CACNA2D3: variants seen among roughly 807,000 people sequenced by gnomAD.
The protein encoded by CACNA2D3 is calcium voltage-gated channel auxiliary subunit alpha2delta 3, also known as voltage-dependent calcium channel subunit alpha-2/delta-3.
In CACNA2D3, 60 loss-of-function variants were observed where a neutral mutation model predicts 160.6. The ratio of observed to expected loss-of-function variants is 0.37; its 90% CI spans 0.30 to 0.46. The LOEUF (loss-of-function observed/expected upper bound fraction) is 0.46. Ranked by LOEUF, CACNA2D3 falls within the 20% of genes least tolerant of loss-of-function variation. The pLI is 1.00. For synonymous variants in CACNA2D3, 558 were observed against 492.9 expected (o/e 1.13, Z -1.75); for missense variants, 1,205 against 1,365.0 (o/e 0.88, Z 1.85).
intron 9 of CACNA2D3, among the ~76,000 whole-genome samples, chr3:54,595,751 T>C (rs956226759): frequency 6.6e-6 from 1 of 152,006 alleles, no homozygotes; most frequent in Non-Finnish European, 1.5e-5. Context: ...AGAAATAATA[T>C]CAATAATAAA....
chr3:54,712,920 A>G (rs780063585), intron 11 of CACNA2D3, among the ~76,000 whole-genome samples: 14 of 152,170 alleles, frequency 9.2e-5, no homozygotes, highest in Admixed American at 2.6e-4. Flanking sequence ...TCTTAATTCC[A>G]TCTGCAACCT....
intron 5 of CACNA2D3, among the ~76,000 whole-genome samples, chr3:54,560,900 ATTTCT>A (rs1702313888): frequency 6.6e-6 from 1 of 151,922 alleles, no homozygotes. Context: ...ATGCAGTCTT[ATTTCT>A]TTCCTCTCTA....
chr3:55,031,161 A>G (rs1223407300), intron 35 of CACNA2D3, among the ~76,000 whole-genome samples: 2 of 152,146 alleles, frequency 1.3e-5, no homozygotes, highest in Non-Finnish European at 2.9e-5. Flanking sequence ...CTGTGTCCAC[A>G]CTATTGACGT....
In CACNA2D3 at chr3:54,952,713, A is replaced by G. The variant is rs544321712; in HGVS notation, c.2450-15737A>G. ...TTCTGGTGCCCGCATAGTTCCCTCC[A>G]GCTTCCAGATGGGAAAGCTCTCTCA... On this transcript the variant is annotated intron_variant, in intron 27 of 37. Transcript: ENST00000474759. Among the ~76,000 whole-genome samples the G allele has an allele frequency of 9.2e-4, 140 of 152,300 alleles. 1 individual carries two copies. The highest frequency in any genetic ancestry group is 1.5e-3 in the Non-Finnish European group (103 of 68,032).
At chr3:54,215,640 C>A (rs1264613048) in intron 2 of CACNA2D3, among the ~76,000 whole-genome samples, 1 of 152,156 alleles carries the variant, frequency 6.6e-6, no homozygotes, top group Non-Finnish European at 1.5e-5. Context: ...GGAGGTGGGG[C>A]CATGCATCCT....
At chr3:54,768,968 T>G (rs1037213578) in intron 13 of CACNA2D3, among the ~76,000 whole-genome samples, 1 of 151,938 alleles carries the variant, frequency 6.6e-6, no homozygotes. Flanking sequence ...CACTGGGGAG[T>G]CTGTCTTCCT....
chr3:54,719,408 A>G (rs894721015), intron 11 of CACNA2D3, among the ~76,000 whole-genome samples: 2 of 151,942 alleles, frequency 1.3e-5, no homozygotes, highest in Admixed American at 1.3e-4. Context: ...TTGTGCACCT[A>G]TTAAAATTAT....
At chr3:54,700,748 G>C (rs954470034) in intron 11 of CACNA2D3, among the ~76,000 whole-genome samples, 1 of 152,150 alleles carries the variant, frequency 6.6e-6, no homozygotes, top group Non-Finnish European at 1.5e-5. Context: ...TATGCATTGG[G>C]CTCTATGCAA....
intron 11 of CACNA2D3, among the ~76,000 whole-genome samples, chr3:54,747,953 A>G (rs1269596314): frequency 6.6e-6 from 1 of 152,252 alleles, no homozygotes; most frequent in African/African-American, 2.4e-5. Context: ...AACATTCTCT[A>G]TGAATTTGCC....
chr3:54,531,404 A>G (rs192362955), intron 5 of CACNA2D3, among the ~76,000 whole-genome samples: 1 of 152,210 alleles, frequency 6.6e-6, no homozygotes, highest in East Asian at 1.9e-4. Context: ...AATTGAAAAA[A>G]CCCACTTAAT....
chr3:54,672,541 A>C (rs1366061527), intron 11 of CACNA2D3, among the ~76,000 whole-genome samples: 2 of 152,348 alleles, frequency 1.3e-5, no homozygotes, highest in South Asian at 2.1e-4. Context: ...TTCCAGAATG[A>C]AAACTAAAGA....
intron 18 of CACNA2D3, chr3:54,877,095 T>C (rs1699678289): frequency 6.6e-6 from 1 of 151,820 alleles, no homozygotes; most frequent in African/African-American, 2.4e-5. Context: ...ATGTGGGGAG[T>C]TGGAGGAGAG....
chr3:54,895,762 G>A (rs1559620782), intron 25 of CACNA2D3, among the ~76,000 whole-genome samples: 2 of 152,256 alleles, frequency 1.3e-5, no homozygotes, highest in African/African-American at 2.4e-5. Context: ...TCCCCCCACC[G>A]CCTGAGTTGC....
chr3:54,308,981 T>G (rs545551801), intron 2 of CACNA2D3, among the ~76,000 whole-genome samples: 23 of 152,358 alleles, frequency 1.5e-4, no homozygotes, highest in African/African-American at 5.5e-4. Flanking sequence ...TAGTTAAATT[T>G]GTTGGTGTGC....
chr3:54,272,167 G>A (rs1324640857), intron 2 of CACNA2D3, among the ~76,000 whole-genome samples: 1 of 152,134 alleles, frequency 6.6e-6, no homozygotes, highest in Non-Finnish European at 1.5e-5. Context: ...CAAGGAAGCT[G>A]GTGTGTCGGG....
At chr3:55,051,762 G>C (rs1015670332) in intron 35 of CACNA2D3, among the ~76,000 whole-genome samples, 2 of 152,122 alleles carry the variant, frequency 1.3e-5, no homozygotes, top group African/African-American at 4.8e-5. Flanking sequence ...GCGAGACTCC[G>C]TGGGCGTAGG....
chr3:54,460,367 G>A (rs940312749), intron 4 of CACNA2D3, among the ~76,000 whole-genome samples: 3 of 152,166 alleles, frequency 2.0e-5, no homozygotes, highest in Non-Finnish European at 2.9e-5. Flanking sequence ...ACCTTGGGCA[G>A]TATGGCCATT....
Position 54,278,027 on chromosome 3 carries a change from A to G in CACNA2D3, c.205-42415A>G, listed in dbSNP as rs117574366. On this transcript the variant is annotated intron_variant, in intron 2 of 37. Coordinates refer to ENST00000474759, the MANE Select transcript of CACNA2D3 (RefSeq NM_018398.3). ...TAAACTAAAGAAGCTTTTGCACAGC[A>G]AAAGAAACTGTCATTAGAGTGAAAA... is the stretch of plus-strand genomic sequence containing the variant. Among the ~76,000 whole-genome samples, 349 of 152,354 alleles carry G rather than the reference A, an allele frequency of 2.3e-3. 2 individuals carry two copies. Among genetic ancestry groups the G allele is most frequent in the East Asian group, 0.019 (98 of 5,188 alleles).
chr3:54,413,408 C>CTATATATATAGATATCTATATATATA (rs1559474750), intron 4 of CACNA2D3, among the ~76,000 whole-genome samples: 3 of 145,236 alleles, frequency 2.1e-5, no homozygotes, highest in Non-Finnish European at 4.5e-5. Context: ...CTATATATAT[C>CTATATATATAGATATCTATATATATA]TATATATATA....
Sources: allele counts gnomAD v4.1 joint callset (sites outside exome capture counted in the v4.1 genomes callset), GRCh38; gene constraint gnomAD v4.1.1; transcripts MANE v1.5; gene names NCBI Gene and HGNC (gene_info 2026-07-23, HGNC 2026-07-21).